AKAP9: variants seen among roughly 807,000 people sequenced by gnomAD.
The protein encoded by AKAP9 is A-kinase anchoring protein 9.
In AKAP9, 311 loss-of-function variants were observed where a neutral mutation model predicts 488.5. The ratio of observed to expected loss-of-function variants is 0.64; its 90% CI spans 0.58 to 0.70. The LOEUF (loss-of-function observed/expected upper bound fraction) is 0.70. Ranked by LOEUF, AKAP9 falls within the 30% of genes least tolerant of loss-of-function variation. The pLI is 0.00. For missense variants in AKAP9, 4,215 were observed against 4,374.5 expected (o/e 0.96, Z 1.03); for synonymous variants, 1,462 against 1,483.5 (o/e 0.99, Z 0.33).
Position 92,096,777 on chromosome 7 carries a change from C to A in AKAP9, c.9818C>A (p.Ser3273Tyr). The A allele has an allele frequency of 6.2e-7, 1 of 1,614,168 alleles. No homozygotes were observed. Among genetic ancestry groups the A allele is most frequent in the South Asian group, 1.1e-5 (1 of 91,078 alleles). The change falls in exon 41 of 50, where the codon TCC becomes TAC. Residue 3273 changes from serine (S) to tyrosine (Y), a missense_variant. Ser to Tyr is a moderately radical substitution (Grantham distance 144). Around this residue, in one of 5 missense-constraint regions of AKAP9, gnomAD observed 1,476 missense variants for 1,477.4 expected, o/e 1.00. Transcript: ENST00000356239. ...LEQQKQLLNE[S>Y]QQKIESQRML... ...CAACAGAAACAACTACTGAACGAAT[C>A]CCAGCAAAAAATAGAATCACAGAGA...
At chr7:91,981,603 C>A (rs375538964) in intron 3 of AKAP9, among the ~76,000 whole-genome samples, 4 of 106,632 alleles carry the variant, frequency 3.8e-5, no homozygotes, top group Non-Finnish European at 3.7e-5. Flanking sequence ...TCTTGTATTT[C>A]TTTTTTTTTT....
At position 92,082,648 on chromosome 7, in the gene AKAP9, C is replaced by G. The variant is rs2130868696; in HGVS notation, c.8146C>G (p.Gln2716Glu). 2 of 1,613,892 alleles carry G rather than the reference C, an allele frequency of 1.2e-6. No individual in the cohort carries two copies. The highest frequency in any genetic ancestry group is 2.2e-5 in the East Asian group (1 of 44,820). The change falls in exon 32 of 50, where the codon CAA becomes GAA. Residue 2716 changes from glutamine to glutamate, a missense_variant. This residue lies in a region of AKAP9 where 1,476 missense variants were observed against 1,477.4 expected (regional missense o/e 1.00). Transcript: ENST00000356239. ...TTATAAAGAAAAGGCTGAAAAACTTCAAGAAGAGCTTTTGGTAAGATAAGT... is the reference window on the plus strand; with the variant it reads ...TTATAAAGAAAAGGCTGAAAAACTTGAAGAAGAGCTTTTGGTAAGATAAGT... ...ASYKEKAEKL[Q>E]EELLVKETNM...
chr7:92,066,378 T>C (rs1810765551), intron 25 of AKAP9, 49 bp from the exon 26 acceptor site: 1 of 1,605,298 alleles, frequency 6.2e-7, no homozygotes, highest in South Asian at 1.1e-5. Context: ...TAATAGCTTC[T>C]CTAAATACTG....
In AKAP9 at chr7:92,007,705, AG is replaced by A. The variant is rs1800108984; in HGVS notation, c.3318+4471del. The stretch of plus-strand genomic sequence containing the variant: ...ATGAAAAGTTACTGAAGTTCAACTT[AG>A]TAATTGGTTTATAGTTTATCTGGAG... On this transcript the variant is annotated intron_variant, in intron 8 of 49. Transcript: ENST00000356239. Among the ~76,000 whole-genome samples the A allele has an allele frequency of 2.0e-5, 3 of 152,244 alleles. No homozygotes were observed. The East Asian group carries it at 5.8e-4, about 29-fold the overall frequency.
intron 20 of AKAP9, among the ~76,000 whole-genome samples, chr7:92,044,689 A>G (rs1372473750): frequency 6.6e-6 from 1 of 152,110 alleles, no homozygotes; most frequent in Admixed American, 6.6e-5. Context: ...TTGTCTCCCA[A>G]GATTTTCTCT....
intron 5 of AKAP9, among the ~76,000 whole-genome samples, chr7:91,993,744 A>G (rs1798057404): frequency 1.3e-5 from 2 of 152,244 alleles, no homozygotes; most frequent in African/African-American, 4.8e-5. Flanking sequence ...GCTAGCCTGA[A>G]ATCACTTTAA....
intron 16 of AKAP9, among the ~76,000 whole-genome samples, chr7:92,037,073 T>G (rs1245876515): frequency 2.0e-5 from 3 of 152,224 alleles, no homozygotes; most frequent in Non-Finnish European, 4.4e-5. Context: ...TTATTAAATA[T>G]GTGACCTTTG....
intron 30 of AKAP9, 121 bp downstream of exon 30, chr7:92,077,996 T>C (rs2130858528): frequency 6.2e-6 from 4 of 646,142 alleles, no homozygotes; most frequent in Non-Finnish European, 4.6e-6. Context: ...TATTTTATTT[T>C]ATTTTATTTA....
chr7:92,038,269 C>T (rs948935835), intron 16 of AKAP9, 150 bp from the exon 17 acceptor site: 10 of 552,410 alleles, frequency 1.8e-5, no homozygotes, highest in East Asian at 3.0e-5. Flanking sequence ...GAATCCATCT[C>T]GGTATTACTT....
intron 1 of AKAP9, among the ~76,000 whole-genome samples, chr7:91,950,864 A>G (rs1792156237): frequency 6.6e-6 from 1 of 152,210 alleles, no homozygotes; most frequent in African/African-American, 2.4e-5. Flanking sequence ...GCTGAAAGTT[A>G]CAGAAACTCT....
At position 92,096,999 on chromosome 7, in the gene AKAP9, A is replaced by T. The variant is rs772510251; in HGVS notation, c.10040A>T (p.Glu3347Val). The change falls in exon 41 of 50, where the codon GAG becomes GTG. Residue 3347 changes from glutamate (E) to valine (V), a missense_variant. Physicochemically the swap from Glu to Val is moderately radical, Grantham distance 121 (BLOSUM62 -2). Around this residue, in one of 5 missense-constraint regions of AKAP9, gnomAD observed 1,476 missense variants for 1,477.4 expected, o/e 1.00. Coordinates refer to ENST00000356239, the MANE Select transcript of AKAP9 (RefSeq NM_005751.5). ...PPLPSEDLLK[E>V]LQKQLEEKHS... ...TTGCCCTCAGAGGACCTACTGAAAG[A>T]GCTGCAGAAACAGCTAGAGGAAAAA... 150 of 1,614,082 alleles carry T rather than the reference A, an allele frequency of 9.3e-5. No individual in the cohort carries two copies. Among genetic ancestry groups the T allele is most frequent in the Non-Finnish European group, 8.1e-5 (96 of 1,180,012 alleles).
At chr7:92,100,186 T>C (rs1817286391) in intron 44 of AKAP9, 4 of 311,774 alleles carry the variant, frequency 1.3e-5, no homozygotes, top group Non-Finnish European at 2.5e-5. Context: ...CAAAGCCAGA[T>C]ACTTTGCTAC....
At position 92,003,244 on chromosome 7, in the gene AKAP9, ACTT is replaced by A. The variant is rs762150815; in HGVS notation, c.3318+14_3318+16del. On this transcript the variant is annotated intron_variant, in intron 8 of 49. Transcript: ENST00000356239. The stretch of plus-strand genomic sequence containing the variant: ...TACTTAAATCAGAACAGGTATGTTT[ACTT>A]CTTCATATATGGTAAAGCACAATGA... The A allele has an allele frequency of 7.1e-6, 11 of 1,552,378 alleles. No individual in the cohort carries two copies. The highest frequency in any genetic ancestry group is 1.1e-5 in the South Asian group (1 of 88,856).
intron 5 of AKAP9, among the ~76,000 whole-genome samples, chr7:91,994,028 C>T (rs1266235411): frequency 3.3e-5 from 5 of 152,118 alleles, no homozygotes; most frequent in Non-Finnish European, 7.3e-5. Flanking sequence ...ACTTGGGAGG[C>T]TGAGACAGGA....
rs1045122165 is a variant in AKAP9, at chr7:92,083,048, A to G, written c.8161-122A>G. 4 of 1,165,298 alleles carry G rather than the reference A, an allele frequency of 3.4e-6. No individual in the cohort carries two copies. The Admixed American group carries it at 1.0e-4, about 30-fold the overall frequency. 72.2% of individuals were successfully genotyped at this position (1,165,298 alleles called of 1,614,324 possible). On this transcript the variant is annotated intron_variant, in intron 32 of 49. Coordinates refer to ENST00000356239, the MANE Select transcript of AKAP9 (RefSeq NM_005751.5). Reference sequence around the variant, plus strand: ...TGAGCGTTTCTGAAATGTTTTTCCTACTACTCTGAGGAAAATGAACGTATA... The same window carrying G: ...TGAGCGTTTCTGAAATGTTTTTCCTGCTACTCTGAGGAAAATGAACGTATA...
chr7:92,098,087 AC>A, intron 42 of AKAP9, 21 bp from the exon 43 acceptor site: 1 of 1,515,394 alleles, frequency 6.6e-7, no homozygotes, highest in South Asian at 1.1e-5. Flanking sequence ...GTATGTTTTG[AC>A]TTTTTGTCTT....
chr7:91,995,675 C>G lies in AKAP9; in HGVS notation c.805C>G (p.Gln269Glu). Residue 269 changes from glutamine (Q) to glutamate (E), a missense_variant, in exon 7 of 50, where the codon CAG becomes GAG. This residue lies in a region of AKAP9 where 2,361 missense variants were observed against 2,430.0 expected (regional missense o/e 0.97). Transcript: ENST00000356239. ...TAADLLQAKQ[Q>E]ILTHQQQLEE... Reference sequence around the variant, plus strand: ...TGCAGACTTACTACAAGCCAAACAACAGATCCTCACTCATCAACAGCAGCT... The same window carrying G: ...TGCAGACTTACTACAAGCCAAACAAGAGATCCTCACTCATCAACAGCAGCT... 1 of 1,614,092 alleles carries G rather than the reference C, an allele frequency of 6.2e-7. No individual in the cohort carries two copies. Among genetic ancestry groups the G allele is most frequent in the Non-Finnish European group, 8.5e-7 (1 of 1,180,000 alleles).
intron 3 of AKAP9, among the ~76,000 whole-genome samples, chr7:91,991,035 A>G (rs960745883): frequency 2.0e-5 from 3 of 152,170 alleles, no homozygotes; most frequent in Non-Finnish European, 2.9e-5. Context: ...GTAGCTGTCT[A>G]CCTTATCAGA....
At chr7:92,109,474 C>G (rs2049900) in intron 49 of AKAP9, among the ~76,000 whole-genome samples, 18,054 of 152,092 alleles carry the variant, frequency 0.12, 1,237 homozygotes, top group East Asian at 0.37. Context: ...ATCCAAATTT[C>G]ACAAGACCCA....
Sources: allele counts gnomAD v4.1 joint callset (sites outside exome capture counted in the v4.1 genomes callset), GRCh38; gene constraint gnomAD v4.1.1; regional missense constraint gnomAD v4.1.1; transcripts MANE v1.5; gene names NCBI Gene and HGNC (gene_info 2026-07-23, HGNC 2026-07-21).